Variants in CHD4 observed in about 807,000 individuals in gnomAD.
CHD4 encodes the protein ATP-dependent chromatin remodeler CHD4.
A neutral mutation model predicts 235.5 loss-of-function variants in CHD4; 35 were observed. The observed-to-expected ratio is 0.15, with a 90% CI of 0.11 to 0.20. The LOEUF is 0.20. CHD4 is among the 10% of genes least tolerant of loss of function. The pLI, the probability that CHD4 is intolerant of heterozygous loss-of-function variation, is 1.00. For synonymous variants in CHD4, 900 were observed against 850.2 expected (o/e 1.06, Z -1.02); for missense variants, 1,329 against 2,432.3 (o/e 0.55, Z 9.54).
At chr12:6,606,906 CAA>C (rs1192456012) in intron 1 of CHD4, 1 of 146,538 alleles carries the variant, frequency 6.8e-6, no homozygotes, top group Admixed American at 7.2e-5. Flanking sequence ...AGGTTCTCCT[CAA>C]GAGCTGCGGG....
At chr12:6,604,281 A>T (rs1220803937) in intron 2 of CHD4, among the ~76,000 whole-genome samples, 1 of 152,128 alleles carries the variant, frequency 6.6e-6, no homozygotes, top group African/African-American at 2.4e-5. Context: ...CTCAAAAATA[A>T]AAAAGAAAAT....
At chr12:6,602,620 G>A in intron 2 of CHD4, 123 bp from the exon 3 acceptor site, 1 of 1,248,596 alleles carries the variant, frequency 8.0e-7, no homozygotes, top group Middle Eastern at 2.2e-4. Flanking sequence ...GAAGAGAACT[G>A]CTATACTCTG....
At chr12:6,575,875 G>A (rs1230495801) in intron 37 of CHD4, among the ~76,000 whole-genome samples, 1 of 152,038 alleles carries the variant, frequency 6.6e-6, no homozygotes, top group Non-Finnish European at 1.5e-5. Flanking sequence ...GCTATTTCCA[G>A]ACATACTAAG....
chr12:6,606,939 C>G (rs1158654937), intron 1 of CHD4: 1 of 112,912 alleles, frequency 8.9e-6, no homozygotes, highest in Non-Finnish European at 1.8e-5. Flanking sequence ...CGTGGAGGCT[C>G]GGGCGCTGCG....
chr12:6,582,793 C>A (rs745566542), intron 28 of CHD4, 45 bp from the exon 29 acceptor site: 1 of 1,613,942 alleles, frequency 6.2e-7, no homozygotes, highest in African/African-American at 1.3e-5. Flanking sequence ...GGTCGCATTC[C>A]ACCAAAGATG....
Position 6,573,276 on chromosome 12 carries a change from A to G in CHD4, c.5362-7T>C, listed in dbSNP as rs753851871. The stretch of plus-strand genomic sequence containing the variant: ...CCAGAGCTTGTTCTAAGAGCTGGAC[A>G]AGGGATAAGAGGAAACGGGAGTTCG... On this transcript the variant is annotated splice_region_variant and splice_polypyrimidine_tract_variant and intron_variant, in intron 37 of 39. Coordinates refer to ENST00000544040, the MANE Select transcript of CHD4 (RefSeq NM_001273.5). The G allele has an allele frequency of 4.0e-5, 62 of 1,551,610 alleles. No homozygotes were observed. The highest frequency in any genetic ancestry group is 5.3e-5 in the Non-Finnish European group (61 of 1,156,144).
In CHD4 at chr12:6,579,070, C is replaced by T. The variant is rs545550918; in HGVS notation, c.4910-153G>A. 2.2e-4 allele frequency: 107 copies of T among 478,608 alleles called. 11 individuals carry two copies. Among genetic ancestry groups the T allele is most frequent in the Non-Finnish European group, 3.4e-4 (96 of 280,384 alleles). 29.6% of individuals were successfully genotyped at this position (478,608 alleles called of 1,614,324 possible). ...TGGCTCATGCCTGTAATCCCAGCAT[C>T]TTGGGAGACAGCAGCAGGCAGATCA... On this transcript the variant is annotated intron_variant, in intron 33 of 39. Coordinates refer to ENST00000544040, the MANE Select transcript of CHD4 (RefSeq NM_001273.5).
chr12:6,602,182 C>A lies in CHD4; in HGVS notation c.223-7G>T. 3 of 1,613,798 alleles carry A rather than the reference C, an allele frequency of 1.9e-6. No homozygotes were observed. The highest frequency in any genetic ancestry group is 1.7e-6 in the Non-Finnish European group (2 of 1,179,864). ...GCCGGCATAAGAGCATACGCTGGAG[C>A]AGGGCAAGGGGGGAAGAGGGAGACA... On this transcript the variant is annotated splice_polypyrimidine_tract_variant and splice_region_variant and intron_variant, in intron 3 of 39. Coordinates refer to ENST00000544040, the MANE Select transcript of CHD4 (RefSeq NM_001273.5).
chr12:6,578,276 G>A (rs1445478914), intron 35 of CHD4, 133 bp downstream of exon 35: 2 of 1,370,502 alleles, frequency 1.5e-6, no homozygotes, highest in Non-Finnish European at 2.0e-6. Flanking sequence ...TTTCTCCACA[G>A]AACCCACTAT....
chr12:6,596,876 T>A (rs954292508), intron 12 of CHD4, among the ~76,000 whole-genome samples: 3 of 149,066 alleles, frequency 2.0e-5, no homozygotes, highest in Non-Finnish European at 4.4e-5. Context: ...AGAGAATCAC[T>A]TGAGCCTGAG....
intron 22 of CHD4, among the ~76,000 whole-genome samples, chr12:6,589,887 T>TG (rs1208289562): frequency 1.3e-5 from 2 of 151,882 alleles, no homozygotes; most frequent in African/African-American, 4.8e-5. Context: ...ACAAAATAAC[T>TG]GAACAGTGCT....
intron 28 of CHD4, 26 bp downstream of exon 28, chr12:6,582,822 C>A: frequency 6.2e-7 from 1 of 1,613,936 alleles, no homozygotes; most frequent in African/African-American, 1.3e-5. Context: ...GACACTCACC[C>A]CTCCTTAGAA....
chr12:6,590,763 G>C (rs989069061), intron 22 of CHD4, among the ~76,000 whole-genome samples: 3 of 152,162 alleles, frequency 2.0e-5, no homozygotes, highest in East Asian at 3.9e-4. Flanking sequence ...TGTCCAGGCT[G>C]TAGTAAGCCA....
intron 25 of CHD4, chr12:6,584,258 G>A (rs1400464201): frequency 1.3e-5 from 2 of 151,944 alleles, no homozygotes; most frequent in African/African-American, 4.8e-5. Context: ...ACATATATGT[G>A]TATGAATATA....
Position 6,600,208 on chromosome 12 carries a change from G to A in CHD4, c.1242+9C>T. ...GGGTTCCAAGGGGCCACAATGGCCA[G>A]ACACTCACGCAGTGTGGGCAGCTCC... On this transcript the variant is annotated intron_variant, in intron 9 of 39. Coordinates refer to ENST00000544040, the MANE Select transcript of CHD4 (RefSeq NM_001273.5). 2 of 1,613,708 alleles carry A rather than the reference G, an allele frequency of 1.2e-6. No individual in the cohort carries two copies. Among genetic ancestry groups the A allele is most frequent in the East Asian group, 2.2e-5 (1 of 44,850 alleles).
chr12:6,599,732 C>T (rs7132970), intron 10 of CHD4, 41 bp downstream of exon 10: 246,997 of 1,612,378 alleles, frequency 0.15, 19,886 homozygotes, highest in Non-Finnish European at 0.17. Context: ...GAAAAGACTA[C>T]ACTTTCCCAT....
At chr12:6,581,960 G>A (rs769258173) in intron 30 of CHD4, 146 bp from the exon 31 acceptor site, 5 of 1,157,648 alleles carry the variant, frequency 4.3e-6, no homozygotes, top group African/African-American at 1.6e-5. Flanking sequence ...CCGCCACCAC[G>A]TGCAGCTAAT....
At chr12:6,595,546 G>T in intron 13 of CHD4, 116 bp from the exon 14 acceptor site, 1 of 819,276 alleles carries the variant, frequency 1.2e-6, no homozygotes, top group Non-Finnish European at 2.0e-6. Context: ...CCAGCACTTT[G>T]GGAGGCTGAG....
Position 6,582,011 on chromosome 12 carries a change from C to T in CHD4, c.4515+126G>A, listed in dbSNP as rs1026182172. On this transcript the variant is annotated intron_variant, in intron 30 of 39. Coordinates refer to ENST00000544040, the MANE Select transcript of CHD4 (RefSeq NM_001273.5). ...AGAGATGGGGTTTCGCCATGTTGAC[C>T]AGGCTAGTCTCTAACTCCTGACCTC... 20 of 1,192,972 alleles carry T rather than the reference C, an allele frequency of 1.7e-5. No individual in the cohort carries two copies. In the African/African-American group the frequency reaches 3.1e-4, roughly 18 times the overall value. 73.9% of individuals were successfully genotyped at this position (1,192,972 alleles called of 1,614,324 possible). A position where few individuals can be genotyped will look rare whatever the true frequency, so the allele number is the denominator to read the frequency against.
Sources: gnomAD v4.1 joint callset for allele counts (sites outside exome capture counted in the v4.1 genomes callset) on GRCh38, gnomAD v4.1.1 for gene constraint, MANE v1.5 for transcripts, NCBI Gene and HGNC (gene_info 2026-07-23, HGNC 2026-07-21) for gene names.